The following ITGAV variants were observed in gnomAD, a reference collection of about 807,000 sequenced individuals.
ITGAV encodes the protein integrin subunit alpha V.
In ITGAV, 76 loss-of-function variants were observed where a neutral mutation model predicts 143.8. The observed-to-expected ratio is 0.53, with a 90% confidence interval of 0.44 to 0.64. ITGAV has a LOEUF of 0.64. Among genes scored for constraint, ITGAV ranks in the 30% least tolerant of loss-of-function variants. ITGAV has a pLI of 0.00. For missense variants in ITGAV, 1,193 were observed against 1,274.7 expected, an observed-to-expected ratio of 0.94 and a Z score of 0.98; for synonymous variants, 453 against 446.7, an observed-to-expected ratio of 1.01 and a Z score of -0.18.
At chr2:186,641,306 G>A (rs562416517) in intron 11 of ITGAV, 80 bp from the exon 12 acceptor site, 2 of 1,076,242 alleles carry the variant, frequency 1.9e-6, no homozygotes, top group East Asian at 4.7e-5. Context: ...AAGAGGAAAA[G>A]TGAGTTGTAG....
chr2:186,664,483 T>A lies in ITGAV; in HGVS notation c.1926-11T>A, dbSNP rs1365883209. ...TTTTTCTCAGTCTGGATTTGTATTG[T>A]TAACTTGTAGTGATCAAAAGAAGAT... On this transcript the variant is annotated splice_polypyrimidine_tract_variant and intron_variant, in intron 19 of 29. Coordinates refer to ENST00000261023, the MANE Select transcript of ITGAV (RefSeq NM_002210.5). The A allele has an allele frequency of 6.2e-7, 1 of 1,611,970 alleles. No individual in the cohort carries two copies. The highest frequency in any genetic ancestry group is 1.7e-5 in the Admixed American group (1 of 59,624).
intron 2 of ITGAV, among the ~76,000 whole-genome samples, chr2:186,616,275 T>TA (rs1476947885): frequency 1.4e-4 from 1 of 7,098 alleles, no homozygotes; most frequent in African/African-American, 2.1e-4. Flanking sequence ...TATACCTTAT[T>TA]TTTTTTTTTT....
intron 12 of ITGAV, 53 bp from the exon 13 acceptor site, chr2:186,646,633 C>A: frequency 1.5e-6 from 2 of 1,366,100 alleles, no homozygotes; most frequent in Non-Finnish European, 2.0e-6. Flanking sequence ...CCTTTCTTTT[C>A]CTCCTCCTTA....
At chr2:186,648,715 G>A (rs1044720264) in intron 13 of ITGAV, among the ~76,000 whole-genome samples, 1 of 151,872 alleles carries the variant, frequency 6.6e-6, no homozygotes, top group South Asian at 2.1e-4. Flanking sequence ...GGCTGGTCTC[G>A]AACTCCTGAC....
chr2:186,634,338 A>G (rs1409272169), intron 6 of ITGAV, among the ~76,000 whole-genome samples: 1 of 152,188 alleles, frequency 6.6e-6, no homozygotes, highest in African/African-American at 2.4e-5. Flanking sequence ...TTGTATTAGC[A>G]TTCTGATATT....
At chr2:186,607,199 T>A (rs1199475534) in intron 2 of ITGAV, among the ~76,000 whole-genome samples, 1 of 152,188 alleles carries the variant, frequency 6.6e-6, no homozygotes, top group African/African-American at 2.4e-5. Flanking sequence ...ATTGTGTTTC[T>A]GAGCCCAGAA....
At chr2:186,668,982 G>A in intron 25 of ITGAV, 62 bp downstream of exon 25, 3 of 1,364,606 alleles carry the variant, frequency 2.2e-6, no homozygotes, top group Non-Finnish European at 3.0e-6. Flanking sequence ...TTCTAAACCT[G>A]TAAAAGAAAT....
At chr2:186,615,852 G>A (rs1375123372) in intron 2 of ITGAV, among the ~76,000 whole-genome samples, 2 of 151,728 alleles carry the variant, frequency 1.3e-5, no homozygotes, top group African/African-American at 4.8e-5. Context: ...TATGCTTTTG[G>A]TTTTCTAAAT....
chr2:186,624,965 G>A (rs1192347125), intron 3 of ITGAV, among the ~76,000 whole-genome samples: 5 of 148,324 alleles, frequency 3.4e-5, no homozygotes, highest in South Asian at 2.1e-4. Context: ...AAAAAAAATT[G>A]GACTACAAAT....
intron 4 of ITGAV, among the ~76,000 whole-genome samples, chr2:186,626,867 T>C (rs955638151): frequency 1.2e-4 from 18 of 152,212 alleles, no homozygotes; most frequent in African/African-American, 4.3e-4. Context: ...GGTATTTTGG[T>C]TATGGTACTG....
chr2:186,630,945 TC>T, intron 5 of ITGAV, 87 bp downstream of exon 5: 1 of 651,162 alleles, frequency 1.5e-6, no homozygotes, highest in Non-Finnish European at 2.8e-6. Flanking sequence ...ATACCTCAAC[TC>T]CTTTACAGCT....
chr2:186,652,553 T>C (rs1322222039), intron 15 of ITGAV, among the ~76,000 whole-genome samples: 1 of 152,182 alleles, frequency 6.6e-6, no homozygotes, highest in African/African-American at 2.4e-5. Context: ...AAAGGATATC[T>C]AAAGGCTGTA....
intron 12 of ITGAV, among the ~76,000 whole-genome samples, chr2:186,642,535 C>CTTTTTTTTTTTT (rs35034170): frequency 2.7e-5 from 3 of 113,164 alleles, no homozygotes; most frequent in South Asian, 2.8e-4. Context: ...TCTTTTTTTT[C>CTTTTTTTTTTTT]TTTTTTTTTT....
chr2:186,631,528 G>A lies in ITGAV; in HGVS notation c.585+670G>A, dbSNP rs1047349942. On this transcript the variant is annotated intron_variant, in intron 5 of 29. Coordinates refer to ENST00000261023, the MANE Select transcript of ITGAV (RefSeq NM_002210.5). ...GTGTTTATTTATTTTGGTGGTGGGG[G>A]AGTATGCACATTTTGAATATCAAAT... Among the ~76,000 whole-genome samples, 7 of 151,970 alleles carry A rather than the reference G, an allele frequency of 4.6e-5. 1 individual carries two copies. The South Asian group carries it at 1.2e-3, about 27-fold the overall frequency.
Position 186,636,113 on chromosome 2 carries a change from C to T in ITGAV, c.663C>T (p.Ile221=), listed in dbSNP as rs199813220. 3.2e-5 allele frequency: 52 copies of T among 1,612,956 alleles called. No individual in the cohort carries two copies. In the South Asian group the frequency reaches 3.8e-4, roughly 12 times the overall value. Residue 221 remains isoleucine (I), a synonymous_variant, in exon 7 of 30, where the codon ATC becomes ATT. Coordinates refer to ENST00000261023, the MANE Select transcript of ITGAV (RefSeq NM_002210.5). The part of the protein sequence containing the change: ...GQLISDQVAE[I]VSKYDPNVYS... The stretch of plus-strand genomic sequence containing the variant: ...TTATTTCGGATCAAGTGGCAGAAAT[C>T]GTATCTAAATACGACCCCAATGTTT...
chr2:186,667,721 A>T lies in ITGAV; in HGVS notation c.2378A>T (p.Lys793Met). 1 of 1,611,570 alleles carries T rather than the reference A, an allele frequency of 6.2e-7. No individual in the cohort carries two copies. ...CTTCCGATTCCAAACTGGGAGCACA[A>T]GGAGAACCCTGAGACTGAAGAAGAT... is the stretch of plus-strand genomic sequence containing the variant. Reference protein sequence around the residue: ...VFLPIPNWEHKENPETEEDVG... With the variant: ...VFLPIPNWEHMENPETEEDVG... The change falls in exon 24 of 30, where the codon AAG becomes ATG. Residue 793 changes from lysine (K) to methionine (M), a missense_variant. By Grantham distance (95) the Lys-to-Met change is moderately conservative. Coordinates refer to ENST00000261023, the MANE Select transcript of ITGAV (RefSeq NM_002210.5).
chr2:186,644,559 C>T (rs181429388), intron 12 of ITGAV, among the ~76,000 whole-genome samples: 42 of 150,774 alleles, frequency 2.8e-4, no homozygotes, highest in East Asian at 1.2e-3. Context: ...CTCTTGACCT[C>T]GTGACCCACC....
intron 6 of ITGAV, among the ~76,000 whole-genome samples, chr2:186,633,704 A>G (rs1385898862): frequency 6.6e-6 from 1 of 152,178 alleles, no homozygotes; most frequent in East Asian, 1.9e-4. Context: ...TCTAGGGGCC[A>G]TGACATAGTC....
At chr2:186,666,805 A>G (rs1243534875) in intron 22 of ITGAV, 22 bp downstream of exon 22, 2 of 1,209,536 alleles carry the variant, frequency 1.7e-6, no homozygotes, top group Middle Eastern at 2.0e-4. Context: ...ACTTATATTC[A>G]CTTATAACTA....
Sources: allele counts gnomAD v4.1 joint callset (sites outside exome capture counted in the v4.1 genomes callset), GRCh38; gene constraint gnomAD v4.1.1; transcripts MANE v1.5; gene names NCBI Gene and HGNC (gene_info 2026-07-23, HGNC 2026-07-21).